Variants in LHFPL3 observed in about 807,000 individuals in gnomAD.
LHFPL3 encodes LHFPL tetraspan subfamily member 3 protein.
A neutral mutation model predicts 19.3 loss-of-function variants in LHFPL3; 5 were observed. The ratio of observed to expected loss-of-function variants is 0.26; its 90% CI spans 0.14 to 0.54. The LOEUF (loss-of-function observed/expected upper bound fraction) is 0.54, where lower values mean the gene tolerates loss of function less well. Among genes scored for constraint, LHFPL3 ranks in the 20% least tolerant of loss-of-function variants. The pLI, the probability that LHFPL3 is intolerant of heterozygous loss-of-function variation, is 0.94. For missense variants in LHFPL3, 249 were observed against 307.4 expected (o/e 0.81, Z 1.42); for synonymous variants, 133 against 126.2 (o/e 1.05, Z -0.36).
chr7:104,406,671 T>C (rs1791422403), intron 1 of LHFPL3, among the ~76,000 whole-genome samples: 1 of 152,172 alleles, frequency 6.6e-6, no homozygotes, highest in Non-Finnish European at 1.5e-5. Flanking sequence ...GAGGAAAATG[T>C]GGATGTCATT....
At chr7:104,888,111 A>C (rs1454333182) in intron 2 of LHFPL3, among the ~76,000 whole-genome samples, 1 of 152,252 alleles carries the variant, frequency 6.6e-6, no homozygotes, top group East Asian at 1.9e-4. Flanking sequence ...ATACATGTAC[A>C]CATACATACA....
At chr7:104,655,724 T>C (rs1439448282) in intron 1 of LHFPL3, among the ~76,000 whole-genome samples, 2 of 152,222 alleles carry the variant, frequency 1.3e-5, no homozygotes, top group Non-Finnish European at 2.9e-5. Flanking sequence ...GCATTATATG[T>C]CTCCTACCTC....
chr7:104,751,949 G>T (rs1355487927), intron 2 of LHFPL3, among the ~76,000 whole-genome samples: 1 of 152,062 alleles, frequency 6.6e-6, no homozygotes, highest in East Asian at 1.9e-4. Flanking sequence ...GGGCGGCTGA[G>T]GGTATGGCGC....
At chr7:104,379,795 A>C (rs1208094576) in intron 1 of LHFPL3, among the ~76,000 whole-genome samples, 1 of 152,222 alleles carries the variant, frequency 6.6e-6, no homozygotes, top group Non-Finnish European at 1.5e-5. Flanking sequence ...TGCTATACAG[A>C]GGAAGCAATG....
At chr7:104,823,453 G>A (rs578236494) in intron 2 of LHFPL3, among the ~76,000 whole-genome samples, 32 of 152,200 alleles carry the variant, frequency 2.1e-4, no homozygotes, top group Admixed American at 4.6e-4. Context: ...ATTGCCTCTG[G>A]ATGATTACAT....
intron 1 of LHFPL3, among the ~76,000 whole-genome samples, chr7:104,430,443 T>C (rs1424964532): frequency 5.8e-4 from 12 of 20,590 alleles, no homozygotes; most frequent in East Asian, 2.6e-3. Context: ...TATATATATA[T>C]ATATATATAT....
At chr7:104,585,480 A>AACACACCCACACACACACACACAC (rs1790552246) in intron 1 of LHFPL3, among the ~76,000 whole-genome samples, 1 of 123,362 alleles carries the variant, frequency 8.1e-6, no homozygotes, top group Non-Finnish European at 1.7e-5. Flanking sequence ...AACACACACA[A>AACACACCCACACACACACACACAC]ACACACACAC....
intron 1 of LHFPL3, among the ~76,000 whole-genome samples, chr7:104,493,138 G>T (rs1285846544): frequency 6.6e-6 from 1 of 152,088 alleles, no homozygotes; most frequent in Non-Finnish European, 1.5e-5. Context: ...GATCTCAAAG[G>T]TTGCTAATTA....
chr7:104,744,593 C>T (rs1794004777), intron 2 of LHFPL3, among the ~76,000 whole-genome samples: 1 of 152,200 alleles, frequency 6.6e-6, no homozygotes, highest in African/African-American at 2.4e-5. Context: ...TCTAATTCCT[C>T]TCCTCCCACT....
At chr7:104,470,057 C>T (rs1271250314) in intron 1 of LHFPL3, 3 of 455,982 alleles carry the variant, frequency 6.6e-6, no homozygotes, top group South Asian at 1.5e-5. Flanking sequence ...CCTTGTGCTT[C>T]ATTCTGAATG....
chr7:104,563,389 C>T (rs1365368194), intron 1 of LHFPL3, among the ~76,000 whole-genome samples: 1 of 152,408 alleles, frequency 6.6e-6, no homozygotes, highest in East Asian at 1.9e-4. Context: ...TCGTGGTGCA[C>T]CGTTTTTTAA....
intron 1 of LHFPL3, among the ~76,000 whole-genome samples, chr7:104,689,987 C>A (rs1032148251): frequency 1.3e-5 from 2 of 151,388 alleles, no homozygotes; most frequent in African/African-American, 4.9e-5. Context: ...CAAATGGATG[C>A]CATTAGAGCT....
intron 1 of LHFPL3, among the ~76,000 whole-genome samples, chr7:104,600,784 G>A (rs938368257): frequency 5.9e-5 from 9 of 152,130 alleles, no homozygotes; most frequent in Non-Finnish European, 1.3e-4. Flanking sequence ...CCTGTGATTT[G>A]GAGTCACGAT....
At chr7:104,758,166 G>T (rs903124677) in intron 2 of LHFPL3, among the ~76,000 whole-genome samples, 16 of 152,048 alleles carry the variant, frequency 1.1e-4, no homozygotes, top group Admixed American at 7.9e-4. Flanking sequence ...CATAAACATG[G>T]GAACAATGGA....
chr7:104,486,494 G>A (rs1012241113), intron 1 of LHFPL3, among the ~76,000 whole-genome samples: 2 of 152,164 alleles, frequency 1.3e-5, no homozygotes, highest in South Asian at 4.1e-4. Flanking sequence ...GTTTACTGGT[G>A]ATGCTTTCTG....
At chr7:104,657,194 A>G (rs1190009307) in intron 1 of LHFPL3, among the ~76,000 whole-genome samples, 6 of 152,250 alleles carry the variant, frequency 3.9e-5, no homozygotes, top group African/African-American at 1.4e-4. Context: ...CAAAATATTC[A>G]ATCACCAATA....
intron 1 of LHFPL3, among the ~76,000 whole-genome samples, chr7:104,359,088 G>A (rs1790340495): frequency 6.6e-6 from 1 of 152,206 alleles, no homozygotes; most frequent in Non-Finnish European, 1.5e-5. Context: ...CAGATGTGCA[G>A]AGATACACAA....
chr7:104,488,348 A>G (rs1793275316), intron 1 of LHFPL3, among the ~76,000 whole-genome samples: 1 of 152,090 alleles, frequency 6.6e-6, no homozygotes, highest in Admixed American at 6.6e-5. Flanking sequence ...GTACATATCA[A>G]AATTCCCTGT....
At chr7:104,345,854 T>C (rs566702259) in intron 1 of LHFPL3, among the ~76,000 whole-genome samples, 1 of 152,246 alleles carries the variant, frequency 6.6e-6, no homozygotes, top group East Asian at 1.9e-4. Flanking sequence ...TTCTATGATA[T>C]GAAAAAGATG....
Sources: gnomAD v4.1 joint callset for allele counts (sites outside exome capture counted in the v4.1 genomes callset) on GRCh38, gnomAD v4.1.1 for gene constraint, MANE v1.5 for transcripts, NCBI Gene and HGNC (gene_info 2026-07-23, HGNC 2026-07-21) for gene names.